TMEM108: variants seen among roughly 807,000 people sequenced by gnomAD.
The protein encoded by TMEM108 is transmembrane protein 108.
A neutral mutation model predicts 35.1 loss-of-function variants in TMEM108; 12 were observed. The observed-to-expected ratio is 0.34, with a 90% CI of 0.22 to 0.55. TMEM108 has a LOEUF of 0.55. Ranked by LOEUF, TMEM108 falls within the 20% of genes least tolerant of loss-of-function variation. TMEM108 has a pLI of 0.89. For missense variants in TMEM108, 680 were observed against 753.3 expected (o/e 0.90, Z 1.14); for synonymous variants, 287 against 308.6 (o/e 0.93, Z 0.73).
At chr3:133,257,423 A>G (rs373370369) in intron 3 of TMEM108, among the ~76,000 whole-genome samples, 59 of 152,364 alleles carry the variant, frequency 3.9e-4, no homozygotes, top group African/African-American at 1.3e-3. Context: ...AATAATCCTT[A>G]GAAAAGCAAT....
intron 1 of TMEM108, among the ~76,000 whole-genome samples, chr3:133,038,719 C>T (rs552080689): frequency 1.4e-3 from 218 of 152,296 alleles, no homozygotes; most frequent in Non-Finnish European, 2.1e-3. Flanking sequence ...GGCATGAACC[C>T]CCTCCCCAGG....
intron 3 of TMEM108, among the ~76,000 whole-genome samples, chr3:133,243,423 C>A (rs1394154857): frequency 6.6e-6 from 1 of 151,452 alleles, no homozygotes; most frequent in Non-Finnish European, 1.5e-5. Flanking sequence ...AAATATAATT[C>A]TTATTTAAAT....
At chr3:133,217,685 G>C (rs1332712925) in intron 2 of TMEM108, among the ~76,000 whole-genome samples, 1 of 151,972 alleles carries the variant, frequency 6.6e-6, no homozygotes. Context: ...TGAAGAGATT[G>C]TCCTTTCCCT....
chr3:133,052,800 T>G (rs1943421127), intron 2 of TMEM108, among the ~76,000 whole-genome samples: 1 of 152,166 alleles, frequency 6.6e-6, no homozygotes, highest in Non-Finnish European at 1.5e-5. Context: ...TCCTGTCTGT[T>G]ATAGGATGTT....
chr3:133,321,627 A>G (rs967869957), intron 3 of TMEM108, among the ~76,000 whole-genome samples: 2 of 152,208 alleles, frequency 1.3e-5, no homozygotes, highest in Non-Finnish European at 2.9e-5. Flanking sequence ...TTATCAAGAC[A>G]CAAAGTCAAC....
At chr3:133,098,620 A>G (rs1576317366) in intron 2 of TMEM108, among the ~76,000 whole-genome samples, 1 of 152,206 alleles carries the variant, frequency 6.6e-6, no homozygotes, top group African/African-American at 2.4e-5. Flanking sequence ...GTTACTTCCT[A>G]GATACAATGG....
intron 2 of TMEM108, among the ~76,000 whole-genome samples, chr3:133,196,509 T>C (rs1217210666): frequency 6.6e-6 from 1 of 152,234 alleles, no homozygotes; most frequent in African/African-American, 2.4e-5. Context: ...GGCAGCTATA[T>C]CATAAATTTA....
At position 133,310,530 on chromosome 3, in the gene TMEM108, C is replaced by CTTTTTTTTT. The variant is rs59215786; in HGVS notation, c.41-69201_41-69193dup. Among the ~76,000 whole-genome samples the CTTTTTTTTT allele has an allele frequency of 1.7e-3, 38 of 22,250 alleles. 9 individuals are homozygous for CTTTTTTTTT. The highest frequency in any genetic ancestry group is 0.01 in the East Asian group (4 of 398). The allele number at this position is 22,250 out of a possible 152,430, so 14.6% of individuals were successfully genotyped here. A position where few individuals can be genotyped will look rare whatever the true frequency, so the allele number is the denominator to read the frequency against. On this transcript the variant is annotated intron_variant, in intron 3 of 5. Coordinates refer to ENST00000321871, the MANE Select transcript of TMEM108 (RefSeq NM_023943.4). The stretch of plus-strand genomic sequence containing the variant: ...TCAGAGACTAGGATTGCAACCCCTG[C>CTTTTTTTTT]TTTTTTTTTTTTTTTTTTTTTTTTT...
At chr3:133,319,240 A>G (rs964893272) in intron 3 of TMEM108, among the ~76,000 whole-genome samples, 1 of 152,040 alleles carries the variant, frequency 6.6e-6, no homozygotes, top group African/African-American at 2.4e-5. Context: ...CCGCCTGATG[A>G]TTTTTCTCTA....
rs116788837 is a variant in TMEM108 at position 133,191,371 on chromosome 3, A to G, written c.-46-37895A>G. ...CTTTCACCTATGTTAGTATGAAATA[A>G]GCCCCTTCTCCTCTGAAGTTTTGAG... On this transcript the variant is annotated intron_variant, in intron 2 of 5. Coordinates refer to ENST00000321871, the MANE Select transcript of TMEM108 (RefSeq NM_023943.4). 2.0e-3 allele frequency among the ~76,000 whole-genome samples: 304 copies of G among 152,332 alleles called. 2 individuals carry two copies. In the Middle Eastern group the frequency reaches 0.037, roughly 19 times the overall value.
At chr3:133,273,436 G>A (rs1349073171) in intron 3 of TMEM108, among the ~76,000 whole-genome samples, 1 of 152,058 alleles carries the variant, frequency 6.6e-6, no homozygotes, top group African/African-American at 2.4e-5. Flanking sequence ...CCTATTGATA[G>A]TCAAACTAAA....
intron 2 of TMEM108, among the ~76,000 whole-genome samples, chr3:133,090,829 T>C (rs2107706456): frequency 6.6e-6 from 1 of 152,302 alleles, no homozygotes; most frequent in East Asian, 1.9e-4. Flanking sequence ...ATTTACTATG[T>C]CACTAAATAT....
chr3:133,163,364 A>T (rs1944988618), intron 2 of TMEM108, among the ~76,000 whole-genome samples: 1 of 152,204 alleles, frequency 6.6e-6, no homozygotes. Flanking sequence ...GAAGTGTGGG[A>T]ACTACACGTT....
intron 2 of TMEM108, among the ~76,000 whole-genome samples, chr3:133,118,420 A>T (rs1477125936): frequency 1.3e-5 from 2 of 152,192 alleles, no homozygotes; most frequent in Non-Finnish European, 2.9e-5. Context: ...TTCCAAGAAG[A>T]AGGGAAAGAT....
intron 2 of TMEM108, among the ~76,000 whole-genome samples, chr3:133,115,984 G>A (rs1436784225): frequency 6.6e-6 from 1 of 152,122 alleles, no homozygotes; most frequent in Non-Finnish European, 1.5e-5. Flanking sequence ...AGCAATACAT[G>A]TTATTAGTAG....
intron 2 of TMEM108, among the ~76,000 whole-genome samples, chr3:133,139,253 T>C (rs1269163584): frequency 2.0e-5 from 3 of 152,242 alleles, no homozygotes; most frequent in Admixed American, 2.0e-4. Context: ...AGTAGAATGA[T>C]TTATAATCCT....
intron 3 of TMEM108, among the ~76,000 whole-genome samples, chr3:133,281,774 G>T (rs563296563): frequency 1.2e-3 from 188 of 152,334 alleles, no homozygotes; most frequent in Non-Finnish European, 2.4e-3. Flanking sequence ...TACTGCGTAA[G>T]AGGGTGGGTT....
chr3:133,058,921 G>T (rs1399327168), intron 2 of TMEM108, among the ~76,000 whole-genome samples: 1 of 152,150 alleles, frequency 6.6e-6, no homozygotes, highest in Admixed American at 6.5e-5. Context: ...GTTGTGTTAG[G>T]GCTCTTACAA....
intron 2 of TMEM108, among the ~76,000 whole-genome samples, chr3:133,121,781 A>G (rs957696935): frequency 2.0e-5 from 3 of 152,204 alleles, no homozygotes; most frequent in African/African-American, 7.2e-5. Context: ...ATGAGTACCA[A>G]GGGAAATTTT....
Sources: allele counts gnomAD v4.1 joint callset (sites outside exome capture counted in the v4.1 genomes callset), GRCh38; gene constraint gnomAD v4.1.1; transcripts MANE v1.5; gene names NCBI Gene and HGNC (gene_info 2026-07-23, HGNC 2026-07-21).